The following SLC24A2 variants were observed in gnomAD, a reference collection of about 807,000 sequenced individuals.
The protein encoded by SLC24A2 is solute carrier family 24 member 2, also known as sodium/potassium/calcium exchanger 2.
SLC24A2 carries 36 observed loss-of-function variants against 62.0 expected under a neutral mutation model. The observed-to-expected ratio is 0.58, with a 90% CI of 0.44 to 0.77. SLC24A2 has a LOEUF of 0.77. SLC24A2 is among the 30% of genes least tolerant of loss of function. The pLI is 0.00. For missense variants in SLC24A2, 846 were observed against 817.9 expected, an observed-to-expected ratio of 1.03 and a Z score of -0.42; for synonymous variants, 358 against 294.0, an observed-to-expected ratio of 1.22 and a Z score of -2.23.
the SLC24A2 span, among the ~76,000 whole-genome samples, chr9:20,273,560 CGA>C: frequency 1.3e-5 from 2 of 152,122 alleles, no homozygotes; most frequent in Non-Finnish European, 2.9e-5. Context: ...GTGTTAAAAA[CGA>C]GAGTTTCTCT....
chr9:19,661,860 A>G (rs1450823274), intron 2 of SLC24A2, among the ~76,000 whole-genome samples: 1 of 152,202 alleles, frequency 6.6e-6, no homozygotes, highest in Non-Finnish European at 1.5e-5. Flanking sequence ...GTGAGTGTAG[A>G]TTCCTGAAAA....
intron 9 of SLC24A2, 129 bp downstream of exon 9, chr9:19,527,920 A>G: frequency 2.8e-6 from 2 of 710,678 alleles, no homozygotes; most frequent in South Asian, 3.0e-5. Flanking sequence ...CTAGTCCTGG[A>G]ATGCTAACTC....
At chr9:20,052,101 A>ATTGCTGATTAGAT in the SLC24A2 span, among the ~76,000 whole-genome samples, 8 of 152,258 alleles carry the variant, frequency 5.3e-5, 1 homozygote, top group East Asian at 9.7e-4. Context: ...TGGTTTCAAT[A>ATTGCTGATTAGAT]TTGCTGATTA....
the SLC24A2 span, among the ~76,000 whole-genome samples, chr9:19,965,497 C>G: frequency 6.6e-6 from 1 of 152,138 alleles, no homozygotes; most frequent in African/African-American, 2.4e-5. Context: ...TAAATAGAAG[C>G]TCTGAGAAAA....
At chr9:20,074,588 A>C in the SLC24A2 span, among the ~76,000 whole-genome samples, 1 of 87,724 alleles carries the variant, frequency 1.1e-5, no homozygotes. Flanking sequence ...GAAGGAAGGA[A>C]GGAAGGAAGG....
intron 4 of SLC24A2, among the ~76,000 whole-genome samples, chr9:19,600,753 C>T (rs1255144923): frequency 1.3e-5 from 2 of 152,070 alleles, no homozygotes; most frequent in Admixed American, 1.3e-4. Context: ...CCATATTTCA[C>T]CTTATTTTAC....
intron 2 of SLC24A2, among the ~76,000 whole-genome samples, chr9:19,704,261 G>C (rs1332769746): frequency 1.3e-5 from 2 of 152,166 alleles, no homozygotes; most frequent in Non-Finnish European, 2.9e-5. Context: ...AGAGGCACAT[G>C]ATTAATGACA....
chr9:19,700,438 T>C (rs1376563880), intron 2 of SLC24A2, among the ~76,000 whole-genome samples: 1 of 152,208 alleles, frequency 6.6e-6, no homozygotes, highest in Non-Finnish European at 1.5e-5. Context: ...ATTTACTTTG[T>C]TTTTTTGATA....
the SLC24A2 span, among the ~76,000 whole-genome samples, chr9:19,890,140 C>T: frequency 6.6e-6 from 1 of 152,218 alleles, no homozygotes; most frequent in East Asian, 1.9e-4. Context: ...AATCCCAACC[C>T]AGTTTAAACC....
chr9:20,117,043 C>T, the SLC24A2 span, among the ~76,000 whole-genome samples: 1 of 152,128 alleles, frequency 6.6e-6, no homozygotes, highest in Non-Finnish European at 1.5e-5. Flanking sequence ...TCCAGTCTCT[C>T]ACCTTCATTT....
the SLC24A2 span, among the ~76,000 whole-genome samples, chr9:19,896,647 C>A: frequency 1.3e-5 from 2 of 152,312 alleles, no homozygotes; most frequent in South Asian, 4.1e-4. Context: ...CACAAAGGTA[C>A]TACATGGTAG....
At chr9:19,584,990 A>T (rs1172706231) in intron 5 of SLC24A2, among the ~76,000 whole-genome samples, 1 of 152,168 alleles carries the variant, frequency 6.6e-6, no homozygotes, top group African/African-American at 2.4e-5. Context: ...TAATTATATT[A>T]GATTTACAGA....
intron 2 of SLC24A2, among the ~76,000 whole-genome samples, chr9:19,773,038 C>T (rs528563047): frequency 2.8e-4 from 43 of 152,172 alleles, no homozygotes; most frequent in Non-Finnish European, 4.6e-4. Flanking sequence ...AAAAACATTA[C>T]GCTAAATGAA....
chr9:20,125,238 A>G, the SLC24A2 span, among the ~76,000 whole-genome samples: 1 of 152,200 alleles, frequency 6.6e-6, no homozygotes, highest in African/African-American at 2.4e-5. Flanking sequence ...AAAAGTAATC[A>G]TAATACTCAA....
At chr9:19,792,821 A>G (rs754420367), upstream of SLC24A2, among the ~76,000 whole-genome samples, 1 of 152,192 alleles carries the variant, frequency 6.6e-6, no homozygotes, top group Non-Finnish European at 1.5e-5. Flanking sequence ...TTCTCTCCAC[A>G]TATACAACCT....
chr9:19,684,552 C>T (rs1819821854), intron 2 of SLC24A2, among the ~76,000 whole-genome samples: 1 of 152,042 alleles, frequency 6.6e-6, no homozygotes, highest in Admixed American at 6.6e-5. Flanking sequence ...GAAGGGGAAA[C>T]CCCAGTCTAT....
At chr9:19,840,562 A>T in the SLC24A2 span, among the ~76,000 whole-genome samples, 4 of 152,206 alleles carry the variant, frequency 2.6e-5, no homozygotes, top group Non-Finnish European at 5.9e-5. Context: ...ATATTCATCA[A>T]ATTGGGATTA....
the SLC24A2 span, among the ~76,000 whole-genome samples, chr9:20,085,108 A>T: frequency 0.018 from 2,765 of 152,178 alleles, 74 homozygotes; most frequent in African/African-American, 0.064. Flanking sequence ...CAGTACTCCC[A>T]CCTCAGCCTC....
the SLC24A2 span, among the ~76,000 whole-genome samples, chr9:20,125,725 G>C: frequency 6.6e-6 from 1 of 152,262 alleles, no homozygotes; most frequent in East Asian, 1.9e-4. Flanking sequence ...ATGGTGGTGA[G>C]GGTTGTGGAA....
Sources: gnomAD v4.1 joint callset for allele counts (sites outside exome capture counted in the v4.1 genomes callset) on GRCh38, gnomAD v4.1.1 for gene constraint, MANE v1.5 for transcripts, NCBI Gene and HGNC (gene_info 2026-07-23, HGNC 2026-07-21) for gene names.